The following NR1I2 variants were observed in gnomAD, a reference collection of about 807,000 sequenced individuals.
The protein encoded by NR1I2 is nuclear receptor subfamily 1 group I member 2, also known as orphan nuclear receptor PAR1.
In NR1I2, 42 loss-of-function variants were observed where a neutral mutation model predicts 43.3. The ratio of observed to expected loss-of-function variants is 0.97; its 90% CI spans 0.76 to 1.26. The LOEUF (loss-of-function observed/expected upper bound fraction) is 1.26. Ranked by LOEUF, NR1I2 falls within the 50% of genes most tolerant of loss-of-function variation. NR1I2 has a pLI of 0.00. For missense variants in NR1I2, 559 were observed against 566.7 expected (o/e 0.99, Z 0.14); for synonymous variants, 229 against 215.0 (o/e 1.06, Z -0.57).
At chr3:119,799,317 T>C (rs1414658287) in intron 1 of NR1I2, among the ~76,000 whole-genome samples, 1 of 152,240 alleles carries the variant, frequency 6.6e-6, no homozygotes, top group East Asian at 1.9e-4. Flanking sequence ...TGTTTATTGG[T>C]CATTCATAGC....
At chr3:119,811,252 T>G in intron 3 of NR1I2, 1 of 340,506 alleles carries the variant, frequency 2.9e-6, no homozygotes, top group Non-Finnish European at 5.4e-6. Context: ...ACCCAGCGCC[T>G]TTGGATTCTG....
intron 4 of NR1I2, 28 bp downstream of exon 4, chr3:119,811,754 G>A: frequency 1.3e-6 from 2 of 1,575,430 alleles, no homozygotes; most frequent in South Asian, 1.2e-5. Context: ...GTGACCCGAG[G>A]TGTCACTGCC....
intron 1 of NR1I2, among the ~76,000 whole-genome samples, chr3:119,791,532 C>T (rs889838725): frequency 2.6e-5 from 4 of 152,118 alleles, no homozygotes; most frequent in Non-Finnish European, 4.4e-5. Flanking sequence ...TTGATCATCC[C>T]TGTCCTAAAA....
chr3:119,815,074 G>C lies in NR1I2; in HGVS notation c.890G>C (p.Gly297Ala). The change falls in exon 6 of 9, where the codon GGA (glycine) becomes GCA (alanine). Residue 297 changes from glycine (G) to alanine (A), a missense_variant. By Grantham distance (60) the Gly-to-Ala change is moderately conservative. This residue lies in a region of NR1I2 where 323 missense variants were observed against 312.2 expected (regional missense o/e 1.03). Transcript: ENST00000393716. ...AACACAGTGTTCAACGCGGAGACTGGAACCTGGGAGTGTGGCCGGCTGTCC... is the reference window on the plus strand; with the variant it reads ...AACACAGTGTTCAACGCGGAGACTGCAACCTGGGAGTGTGGCCGGCTGTCC... The C allele has an allele frequency of 1.2e-6, 2 of 1,614,164 alleles. No individual in the cohort carries two copies. Among genetic ancestry groups the C allele is most frequent in the Non-Finnish European group, 1.7e-6 (2 of 1,180,022 alleles).
At chr3:119,786,042 A>T (rs1014418128) in intron 1 of NR1I2, among the ~76,000 whole-genome samples, 6 of 152,244 alleles carry the variant, frequency 3.9e-5, no homozygotes, top group Non-Finnish European at 7.3e-5. Context: ...TTAAGCATTG[A>T]TTAATTTCCT....
chr3:119,812,815 G>T lies in NR1I2; in HGVS notation c.649G>T (p.Gly217Trp), dbSNP rs749007639. Residue 217 changes from glycine (G) to tryptophan (W), a missense_variant, in exon 5 of 9, where the codon GGG becomes TGG. Gly to Trp is a radical substitution (Grantham distance 184). Around this residue, in one of 3 missense-constraint regions of NR1I2, gnomAD observed 323 missense variants for 312.2 expected, o/e 1.03. Coordinates refer to ENST00000393716, the MANE Select transcript of NR1I2 (RefSeq NM_003889.4). ...TTTGAAGGTCTCTCTGCAGCTGCGGGGGGAGGATGGCAGTGTCTGGAACTA... is the reference window on the plus strand; with the variant it reads ...TTTGAAGGTCTCTCTGCAGCTGCGGTGGGAGGATGGCAGTGTCTGGAACTA... The T allele has an allele frequency of 9.3e-6, 15 of 1,614,140 alleles. No individual in the cohort carries two copies. The highest frequency in any genetic ancestry group is 6.6e-5 in the South Asian group (6 of 91,094).
Position 119,792,257 on chromosome 3 carries a change from C to T in NR1I2, c.-23+9957C>T, listed in dbSNP as rs1007502982. 5.8e-6 allele frequency: 9 copies of T among 1,543,514 alleles called. No homozygotes were observed. In the African/African-American group the frequency reaches 1.2e-4, roughly 21 times the overall value. ...AACTAATCACCCAGAGAGAACTGGT[C>T]TCCAGGCAGGTGAGCGACGACCTTA... is the stretch of plus-strand genomic sequence containing the variant. On this transcript the variant is annotated intron_variant, in intron 1 of 8. Coordinates refer to ENST00000393716, the MANE Select transcript of NR1I2 (RefSeq NM_003889.4).
In NR1I2 at chr3:119,812,827, A is replaced by G. The variant is rs1404116609; in HGVS notation, c.661A>G (p.Ser221Gly). Residue 221 changes from serine (S) to glycine (G), a missense_variant, in exon 5 of 9, where the codon AGT becomes GGT. By Grantham distance (56) the Ser-to-Gly change is moderately conservative. Around this residue, in one of 3 missense-constraint regions of NR1I2, gnomAD observed 323 missense variants for 312.2 expected, o/e 1.03. Transcript: ENST00000393716. ...TCTGCAGCTGCGGGGGGAGGATGGCAGTGTCTGGAACTACAAACCCCCAGC... is the reference window on the plus strand; with the variant it reads ...TCTGCAGCTGCGGGGGGAGGATGGCGGTGTCTGGAACTACAAACCCCCAGC... The G allele has an allele frequency of 4.3e-6, 7 of 1,614,110 alleles. No homozygotes were observed. Among genetic ancestry groups the G allele is most frequent in the Non-Finnish European group, 5.9e-6 (7 of 1,180,050 alleles).
chr3:119,799,317 T>A (rs1414658287), intron 1 of NR1I2, among the ~76,000 whole-genome samples: 1 of 152,240 alleles, frequency 6.6e-6, no homozygotes, highest in Non-Finnish European at 1.5e-5. Flanking sequence ...TGTTTATTGG[T>A]CATTCATAGC....
At position 119,817,327 on chromosome 3, in the gene NR1I2, C is replaced by A; in HGVS notation, c.*115C>A. 1 of 1,584,144 alleles carries A rather than the reference C, an allele frequency of 6.3e-7. No homozygotes were observed. ...CAAGAGCCGACAATGCCCTGCTGGC[C>A]TGTCTCCCTAGGGAATTCCTGCTAT... On this transcript the variant is annotated 3_prime_UTR_variant, in exon 9 of 9. Transcript: ENST00000393716.
intron 1 of NR1I2, among the ~76,000 whole-genome samples, chr3:119,785,049 T>A (rs2054825898): frequency 3.3e-5 from 5 of 152,210 alleles, no homozygotes; most frequent in Admixed American, 3.3e-4. Flanking sequence ...TCCTTTCCAA[T>A]CTTTACAAAC....
At chr3:119,789,411 C>A (rs2054887644) in intron 1 of NR1I2, among the ~76,000 whole-genome samples, 1 of 152,126 alleles carries the variant, frequency 6.6e-6, no homozygotes, top group Non-Finnish European at 1.5e-5. Flanking sequence ...AACGGCATGT[C>A]TTACATGGTG....
chr3:119,805,082 G>T (rs541697855), intron 1 of NR1I2, among the ~76,000 whole-genome samples: 1 of 151,902 alleles, frequency 6.6e-6, no homozygotes, highest in African/African-American at 2.4e-5. Context: ...TGTTTATTCC[G>T]ATTTTTACAG....
At chr3:119,784,951 T>C (rs566722672) in intron 1 of NR1I2, among the ~76,000 whole-genome samples, 48 of 152,340 alleles carry the variant, frequency 3.2e-4, no homozygotes, top group South Asian at 4.1e-4. Flanking sequence ...GGAATTCTCT[T>C]AATAGTTATA....
intron 1 of NR1I2, among the ~76,000 whole-genome samples, chr3:119,795,598 C>G (rs1429465407): frequency 6.6e-6 from 1 of 152,146 alleles, no homozygotes; most frequent in African/African-American, 2.4e-5. Flanking sequence ...CTCCCATTGC[C>G]GGTGCCTGGA....
At chr3:119,787,753 T>C (rs892584196) in intron 1 of NR1I2, among the ~76,000 whole-genome samples, 1 of 150,776 alleles carries the variant, frequency 6.6e-6, no homozygotes, top group Admixed American at 6.6e-5. Context: ...ATATATATAT[T>C]TAATTATGCG....
chr3:119,791,796 G>T, intron 1 of NR1I2: 2 of 471,944 alleles, frequency 4.2e-6, no homozygotes, highest in Non-Finnish European at 8.3e-6. Context: ...GGAAACAGGT[G>T]TGAGAGGGTT....
intron 1 of NR1I2, chr3:119,782,868 C>G (rs757118349): frequency 6.2e-7 from 1 of 1,604,140 alleles, no homozygotes; most frequent in East Asian, 2.2e-5. Flanking sequence ...TTTTCTACCT[C>G]TACTATTGAA....
chr3:119,813,026 G>A, intron 5 of NR1I2, 66 bp downstream of exon 5: 1 of 1,542,942 alleles, frequency 6.5e-7, no homozygotes, highest in Non-Finnish European at 8.9e-7. Context: ...GGTTCAAAGG[G>A]CCTGGGGTAG....
Sources: gnomAD v4.1 joint callset for allele counts (sites outside exome capture counted in the v4.1 genomes callset) on GRCh38, gnomAD v4.1.1 for gene constraint, gnomAD v4.1.1 regional missense constraint, MANE v1.5 for transcripts, NCBI Gene and HGNC (gene_info 2026-07-23, HGNC 2026-07-21) for gene names.